The following SPAG16 variants were observed in gnomAD, a reference collection of about 807,000 sequenced individuals.
The protein encoded by SPAG16 is sperm associated antigen 16.
SPAG16 carries 86 observed loss-of-function variants against 80.4 expected under a neutral mutation model. The ratio of observed to expected loss-of-function variants is 1.07; its 90% CI spans 0.90 to 1.28. The LOEUF (loss-of-function observed/expected upper bound fraction) is 1.28. SPAG16 is among the 50% of genes most tolerant of loss of function. The pLI, the probability that SPAG16 is intolerant of heterozygous loss-of-function variation, is 0.00. For missense variants in SPAG16, 870 were observed against 765.3 expected (o/e 1.14, Z -1.61); for synonymous variants, 294 against 265.9 (o/e 1.11, Z -1.03).
chr2:213,869,422 A>ATTATGATGTCCTC (rs2075861874), intron 11 of SPAG16, among the ~76,000 whole-genome samples: 1 of 151,202 alleles, frequency 6.6e-6, no homozygotes, highest in African/African-American at 2.4e-5. Flanking sequence ...CTCTCTAAAA[A>ATTATGATGTCCTC]TTATGATGTC....
chr2:214,226,321 A>G (rs116255082), intron 15 of SPAG16, among the ~76,000 whole-genome samples: 2,730 of 152,104 alleles, frequency 0.018, 53 homozygotes, highest in African/African-American at 0.043. Context: ...ACTTTTTCAA[A>G]CCTCTGCTTG....
At chr2:213,794,654 A>C (rs2070913231) in intron 10 of SPAG16, among the ~76,000 whole-genome samples, 1 of 152,166 alleles carries the variant, frequency 6.6e-6, no homozygotes, top group Non-Finnish European at 1.5e-5. Context: ...TATACTTGAA[A>C]TCTCACAAGA....
In SPAG16 at chr2:213,816,801, T is replaced by C. The variant is rs373087760; in HGVS notation, c.1071-45684T>C. On this transcript the variant is annotated intron_variant, in intron 10 of 15. Coordinates refer to ENST00000331683, the MANE Select transcript of SPAG16 (RefSeq NM_024532.5). The stretch of plus-strand genomic sequence containing the variant: ...TTAAAAATATGCATAATTTCATATT[T>C]TATTCCCCTTAGGAAATGTTATCAC... Among the ~76,000 whole-genome samples the C allele has an allele frequency of 3.5e-4, 54 of 152,228 alleles. 1 individual carries two copies. In the East Asian group the frequency reaches 4.4e-3, roughly 13 times the overall value.
chr2:213,686,036 A>G (rs1475397966), intron 10 of SPAG16, among the ~76,000 whole-genome samples: 2 of 152,262 alleles, frequency 1.3e-5, no homozygotes, highest in African/African-American at 2.4e-5. Context: ...TAATCAAGAT[A>G]GTTAACATCC....
At chr2:213,542,389 TA>T (rs1258139164) in intron 10 of SPAG16, among the ~76,000 whole-genome samples, 3 of 152,142 alleles carry the variant, frequency 2.0e-5, no homozygotes, top group Non-Finnish European at 4.4e-5. Flanking sequence ...ATTTTTGGGA[TA>T]AAAATTTGTC....
chr2:213,904,492 C>T (rs897886508), intron 11 of SPAG16, among the ~76,000 whole-genome samples: 1 of 151,680 alleles, frequency 6.6e-6, no homozygotes, highest in Non-Finnish European at 1.5e-5. Flanking sequence ...AAATTATCTC[C>T]CACTTGGTCC....
intron 10 of SPAG16, among the ~76,000 whole-genome samples, chr2:213,527,206 C>T (rs750484942): frequency 6.6e-6 from 1 of 152,122 alleles, no homozygotes; most frequent in Non-Finnish European, 1.5e-5. Flanking sequence ...TACCAGTCTG[C>T]CTGTTTTCAG....
At chr2:213,634,770 G>A (rs887955085) in intron 10 of SPAG16, among the ~76,000 whole-genome samples, 14 of 151,790 alleles carry the variant, frequency 9.2e-5, no homozygotes, top group East Asian at 5.8e-4. Context: ...CCTTCCTCCC[G>A]AACCCTCAAA....
intron 13 of SPAG16, among the ~76,000 whole-genome samples, chr2:214,062,924 C>A (rs1004946693): frequency 1.3e-5 from 2 of 152,036 alleles, no homozygotes; most frequent in African/African-American, 2.4e-5. Context: ...TAATGTGAGT[C>A]ACATATGCAA....
intron 14 of SPAG16, among the ~76,000 whole-genome samples, chr2:214,125,976 C>T (rs1368344286): frequency 6.9e-6 from 1 of 144,730 alleles, no homozygotes; most frequent in African/African-American, 2.5e-5. Context: ...TCCAGTAAGG[C>T]CTGACTTTCT....
At chr2:214,162,529 T>G (rs1463716049) in intron 15 of SPAG16, among the ~76,000 whole-genome samples, 3 of 152,080 alleles carry the variant, frequency 2.0e-5, no homozygotes, top group Non-Finnish European at 4.4e-5. Context: ...TTATTTCTCT[T>G]TCTAATAAGT....
At chr2:214,331,727 C>CTT (rs1374833178) in intron 15 of SPAG16, among the ~76,000 whole-genome samples, 1 of 152,154 alleles carries the variant, frequency 6.6e-6, no homozygotes, top group East Asian at 1.9e-4. Flanking sequence ...GGTAGACAGC[C>CTT]TTGGCATCAT....
intron 10 of SPAG16, among the ~76,000 whole-genome samples, chr2:213,697,922 G>T (rs1176048446): frequency 6.6e-6 from 1 of 152,070 alleles, no homozygotes; most frequent in Non-Finnish European, 1.5e-5. Flanking sequence ...AACAACTAAG[G>T]CTTGTTATTT....
intron 14 of SPAG16, among the ~76,000 whole-genome samples, chr2:214,128,373 T>G (rs1191507575): frequency 2.0e-5 from 3 of 151,822 alleles, no homozygotes; most frequent in Non-Finnish European, 4.4e-5. Context: ...CTCAGTTTAA[T>G]TGAGAAAGCA....
chr2:213,565,594 G>C (rs1279852296), intron 10 of SPAG16, among the ~76,000 whole-genome samples: 2 of 152,212 alleles, frequency 1.3e-5, no homozygotes, highest in Non-Finnish European at 2.9e-5. Context: ...CTATTGAAAG[G>C]CTGGGTGGCT....
At chr2:214,094,610 A>G (rs575394815) in intron 13 of SPAG16, among the ~76,000 whole-genome samples, 7 of 152,254 alleles carry the variant, frequency 4.6e-5, no homozygotes, top group Non-Finnish European at 7.4e-5. Flanking sequence ...AGAACTGTAG[A>G]ATCATAAAGA....
chr2:214,340,980 A>T (rs1697644822), intron 15 of SPAG16, among the ~76,000 whole-genome samples: 1 of 152,226 alleles, frequency 6.6e-6, no homozygotes, highest in Non-Finnish European at 1.5e-5. Context: ...ATAATAAAAG[A>T]AAATTTGTTC....
intron 13 of SPAG16, among the ~76,000 whole-genome samples, chr2:214,031,836 A>C (rs1371175793): frequency 6.6e-6 from 1 of 152,078 alleles, no homozygotes; most frequent in African/African-American, 2.4e-5. Context: ...CAAGGGGGGA[A>C]GTGCTACACA....
chr2:213,830,088 T>A lies in SPAG16; in HGVS notation c.1071-32397T>A, dbSNP rs75941410. Among the ~76,000 whole-genome samples the A allele has an allele frequency of 8.9e-3, 1,353 of 152,236 alleles. 25 individuals are homozygous for A. Among genetic ancestry groups the A allele is most frequent in the African/African-American group, 0.03 (1,230 of 41,548 alleles). On this transcript the variant is annotated intron_variant, in intron 10 of 15. Transcript: ENST00000331683. ...CAGCACTAGAACTTTCCTAGGAGTT[T>A]CAGTCTTTGTGGCCTAGACTGCCTT...
Sources: allele counts gnomAD v4.1 joint callset (sites outside exome capture counted in the v4.1 genomes callset), GRCh38; gene constraint gnomAD v4.1.1; transcripts MANE v1.5; gene names NCBI Gene and HGNC (gene_info 2026-07-23, HGNC 2026-07-21).